Variants in HHAT observed in about 807,000 individuals in gnomAD.
HHAT encodes protein-cysteine N-palmitoyltransferase HHAT.
Under a neutral mutation model 70.8 loss-of-function variants are expected in HHAT, and 47 were observed. That is an observed-to-expected ratio of 0.66 (90% CI 0.53 to 0.85). HHAT has a LOEUF of 0.85. HHAT is among the 40% of genes least tolerant of loss of function. The pLI, the probability that HHAT is intolerant of heterozygous loss-of-function variation, is 0.00. For missense variants in HHAT, 609 were observed against 604.8 expected (o/e 1.01, Z -0.07); for synonymous variants, 228 against 247.6 (o/e 0.92, Z 0.74).
chr1:210,449,451 A>G (rs2093703591), intron 7 of HHAT, among the ~76,000 whole-genome samples: 1 of 152,038 alleles, frequency 6.6e-6, no homozygotes. Flanking sequence ...ATTCCCGTCT[A>G]CACTTTTTCC....
intron 1 of HHAT, among the ~76,000 whole-genome samples, chr1:210,341,187 G>A (rs955625001): frequency 1.3e-5 from 2 of 152,214 alleles, no homozygotes; most frequent in African/African-American, 4.8e-5. Context: ...CGATGGTGAT[G>A]CTGGTATGGA....
At chr1:210,632,032 G>T (rs190156399) in intron 11 of HHAT, among the ~76,000 whole-genome samples, 2 of 152,134 alleles carry the variant, frequency 1.3e-5, no homozygotes, top group Non-Finnish European at 2.9e-5. Context: ...GGCCTAGTTG[G>T]GCCATTTTTC....
At chr1:210,590,309 C>T (rs1190045432) in intron 10 of HHAT, 1 of 151,994 alleles carries the variant, frequency 6.6e-6, no homozygotes, top group Non-Finnish European at 1.5e-5. Flanking sequence ...ATTTCCTGTT[C>T]TTCTGTCAAA....
At chr1:210,366,615 C>T (rs2088998315) in intron 3 of HHAT, among the ~76,000 whole-genome samples, 1 of 152,140 alleles carries the variant, frequency 6.6e-6, no homozygotes, top group Non-Finnish European at 1.5e-5. Context: ...AGAGTGAGAC[C>T]TTGTCTCTAA....
chr1:210,588,244 C>G (rs781750275), intron 10 of HHAT, 145 bp downstream of exon 10: 10 of 644,818 alleles, frequency 1.6e-5, no homozygotes, highest in Admixed American at 1.5e-4. Flanking sequence ...AGAGGCAAGA[C>G]AGCTGGAAAA....
chr1:210,671,005 T>C (rs977588515), intron 11 of HHAT, among the ~76,000 whole-genome samples: 1 of 152,146 alleles, frequency 6.6e-6, no homozygotes, highest in African/African-American at 2.4e-5. Flanking sequence ...ACAACCTAGC[T>C]ATGGCCCGTG....
chr1:210,352,996 C>G (rs542092633), intron 2 of HHAT, among the ~76,000 whole-genome samples: 1 of 151,036 alleles, frequency 6.6e-6, no homozygotes, highest in African/African-American at 2.4e-5. Context: ...AGTGCAGTGG[C>G]GCAATCTCGG....
chr1:210,530,310 T>C (rs962443085), intron 9 of HHAT, among the ~76,000 whole-genome samples: 1 of 152,128 alleles, frequency 6.6e-6, no homozygotes, highest in African/African-American at 2.4e-5. Flanking sequence ...TTCTAGTAAA[T>C]ACATATCAGC....
intron 9 of HHAT, among the ~76,000 whole-genome samples, chr1:210,560,830 A>AAAAAAAAAAAAAAAAAAAAAAG (rs2095615762): frequency 6.9e-6 from 1 of 144,328 alleles, no homozygotes; most frequent in Non-Finnish European, 1.5e-5. Flanking sequence ...AAAAAAAAAA[A>AAAAAAAAAAAAAAAAAAAAAAG]AAAAAAAAAA....
chr1:210,632,251 A>T (rs186292348), intron 11 of HHAT, among the ~76,000 whole-genome samples: 1 of 152,358 alleles, frequency 6.6e-6, no homozygotes, highest in African/African-American at 2.4e-5. Context: ...TATAGAAGTG[A>T]TAATGAAGCA....
intron 11 of HHAT, among the ~76,000 whole-genome samples, chr1:210,627,693 A>G (rs76123703): frequency 0.017 from 2,624 of 152,256 alleles, 37 homozygotes; most frequent in Middle Eastern, 0.031. Flanking sequence ...TTGAAGAAGT[A>G]GTGTTCAGTT....
intron 7 of HHAT, among the ~76,000 whole-genome samples, chr1:210,433,992 T>C (rs1335397329): frequency 6.6e-6 from 1 of 151,910 alleles, no homozygotes; most frequent in Non-Finnish European, 1.5e-5. Flanking sequence ...ACTGGAAGGA[T>C]AGAACTTTAG....
chr1:210,506,197 C>T (rs1558047693), intron 8 of HHAT, among the ~76,000 whole-genome samples: 1 of 152,276 alleles, frequency 6.6e-6, no homozygotes, highest in Admixed American at 6.5e-5. Flanking sequence ...GTACAGCAGT[C>T]ATAATCATCA....
intron 1 of HHAT, among the ~76,000 whole-genome samples, chr1:210,345,605 G>GT (rs1434145658): frequency 6.6e-6 from 1 of 152,176 alleles, no homozygotes; most frequent in African/African-American, 2.4e-5. Flanking sequence ...TATTAGAAGT[G>GT]TTTTGGTCTT....
chr1:210,481,662 G>A (rs1403645620), intron 8 of HHAT, among the ~76,000 whole-genome samples: 1 of 152,206 alleles, frequency 6.6e-6, no homozygotes, highest in East Asian at 1.9e-4. Flanking sequence ...TTCATTGGGT[G>A]ATGTACATAT....
chr1:210,606,858 C>T (rs1259559965), intron 10 of HHAT, among the ~76,000 whole-genome samples: 1 of 152,140 alleles, frequency 6.6e-6, no homozygotes, highest in Non-Finnish European at 1.5e-5. Context: ...TGTCTTTTAG[C>T]TTTTAGCTTT....
At chr1:210,374,136 T>TA (rs567146404) in intron 3 of HHAT, 51 of 152,166 alleles carry the variant, frequency 3.4e-4, no homozygotes, top group African/African-American at 1.1e-3. Context: ...CTTTAAGTCT[T>TA]TTTTTATAAA....
intron 11 of HHAT, among the ~76,000 whole-genome samples, chr1:210,648,052 C>G (rs972551791): frequency 2.0e-5 from 3 of 152,182 alleles, no homozygotes; most frequent in Admixed American, 1.3e-4. Flanking sequence ...TGTAAGAAAA[C>G]AGACCTGGCC....
At chr1:210,640,681 C>A (rs979216380) in intron 11 of HHAT, among the ~76,000 whole-genome samples, 1 of 151,982 alleles carries the variant, frequency 6.6e-6, no homozygotes, top group Non-Finnish European at 1.5e-5. Context: ...CACTGCCCCC[C>A]ACACACGCAC....
Sources: gnomAD v4.1 joint callset for allele counts (sites outside exome capture counted in the v4.1 genomes callset) on GRCh38, gnomAD v4.1.1 for gene constraint, MANE v1.5 for transcripts, NCBI Gene and HGNC (gene_info 2026-07-23, HGNC 2026-07-21) for gene names.